KMT2E: variants seen among roughly 807,000 people sequenced by gnomAD.
KMT2E encodes lysine methyltransferase 2E (inactive).
Under a neutral mutation model 184.6 loss-of-function variants are expected in KMT2E, and 30 were observed. The observed-to-expected ratio is 0.16, with a 90% CI of 0.12 to 0.22. The LOEUF (loss-of-function observed/expected upper bound fraction) is 0.22. Among genes scored for constraint, KMT2E ranks in the 10% least tolerant of loss-of-function variants. The pLI is 1.00. For synonymous variants in KMT2E, 815 were observed against 776.5 expected, an observed-to-expected ratio of 1.05 and a Z score of -0.82; for missense variants, 2,023 against 2,237.4, an observed-to-expected ratio of 0.90 and a Z score of 1.93.
chr7:105,071,742 CCA>C (rs993996841), intron 6 of KMT2E, among the ~76,000 whole-genome samples: 3 of 148,474 alleles, frequency 2.0e-5, no homozygotes, highest in Non-Finnish European at 4.5e-5. Context: ...CAGGCGTGGG[CCA>C]CCACGCCCGG....
intron 3 of KMT2E, among the ~76,000 whole-genome samples, chr7:105,045,069 G>C (rs183610647): frequency 1.2e-4 from 19 of 152,112 alleles, no homozygotes; most frequent in African/African-American, 4.3e-4. Context: ...AATTGGGCAC[G>C]GTCTAAAATG....
chr7:105,078,578 G>A (rs1440824999), intron 11 of KMT2E, among the ~76,000 whole-genome samples: 5 of 146,294 alleles, frequency 3.4e-5, no homozygotes, highest in African/African-American at 5.0e-5. Context: ...CTGCAGCCTT[G>A]ATGTCCTGGG....
rs1300474647 is a variant in KMT2E at position 105,081,671 on chromosome 7, A to G, written c.1249-17A>G. The G allele has an allele frequency of 9.1e-6, 11 of 1,203,662 alleles. No homozygotes were observed. Among genetic ancestry groups the G allele is most frequent in the Non-Finnish European group, 1.3e-5 (11 of 824,536 alleles). The allele number at this position is 1,203,662 out of a possible 1,614,324, so 74.6% of individuals were successfully genotyped here. On this transcript the variant is annotated splice_polypyrimidine_tract_variant and intron_variant, in intron 12 of 26. Coordinates refer to ENST00000311117, the MANE Select transcript of KMT2E (RefSeq NM_182931.3). The stretch of plus-strand genomic sequence containing the variant: ...AGAAAGTAATTTATGGTAATGTACA[A>G]TTATTTTAACTTTTAGGTGAGGCAT...
At chr7:105,036,144 G>GT (rs142402378) in intron 1 of KMT2E, among the ~76,000 whole-genome samples, 2 of 147,896 alleles carry the variant, frequency 1.4e-5, no homozygotes, top group African/African-American at 5.0e-5. Context: ...ATCTGGCAGG[G>GT]TTTTTTGTTG....
At position 105,020,185 on chromosome 7, in the gene KMT2E, A is replaced by G. The variant is rs188922563; in HGVS notation, c.-189+5650A>G. ...GAATTTTAATATTGAGAAAGATGATATTGTGTAATCACACCTGTGTAATAG... is the reference window on the plus strand; with the variant it reads ...GAATTTTAATATTGAGAAAGATGATGTTGTGTAATCACACCTGTGTAATAG... On this transcript the variant is annotated intron_variant, in intron 1 of 26. Coordinates refer to ENST00000311117, the MANE Select transcript of KMT2E (RefSeq NM_182931.3). Among the ~76,000 whole-genome samples the G allele has an allele frequency of 4.6e-5, 7 of 152,178 alleles. 1 individual carries two copies. The East Asian group carries it at 1.2e-3, about 25-fold the overall frequency.
In KMT2E at chr7:105,074,649, A is replaced by T; in HGVS notation, c.563A>T (p.Asp188Val). The change falls in exon 8 of 27, where the codon GAT (aspartate) becomes GTT (valine). Residue 188 changes from aspartate to valine, a missense_variant. Transcript: ENST00000311117. ...RRKRENMSDG[D>V]TSATESGDEV... ...ATTTTTATTTTGTCTGAAGATGGTGATACCAGTGCAACTGAGAGTGGTGAT... is the reference window on the plus strand; with the variant it reads ...ATTTTTATTTTGTCTGAAGATGGTGTTACCAGTGCAACTGAGAGTGGTGAT... 6.6e-7 allele frequency: 1 copy of T among 1,516,982 alleles called. No individual in the cohort carries two copies. Among genetic ancestry groups the T allele is most frequent in the South Asian group, 1.3e-5 (1 of 75,692 alleles). 94.0% of individuals were successfully genotyped at this position (1,516,982 alleles called of 1,614,324 possible). A position where few individuals can be genotyped will look rare whatever the true frequency, so the allele number is the denominator to read the frequency against.
intron 2 of KMT2E, chr7:105,039,271 T>C (rs1386105784): frequency 6.6e-6 from 1 of 152,206 alleles, no homozygotes; most frequent in Non-Finnish European, 1.5e-5. Flanking sequence ...TCAAGTGTGG[T>C]GTGTACTGAG....
In KMT2E at chr7:105,101,603, A is replaced by C; in HGVS notation, c.1887+14A>C. ...GAAGTTATTCAGGTATTATTTATTC[A>C]GGTCGTTTTATTTTCTTAAACACTT... On this transcript the variant is annotated intron_variant, in intron 16 of 26. Coordinates refer to ENST00000311117, the MANE Select transcript of KMT2E (RefSeq NM_182931.3). The C allele has an allele frequency of 6.6e-7, 1 of 1,515,186 alleles. No homozygotes were observed. Among genetic ancestry groups the C allele is most frequent in the Non-Finnish European group, 8.8e-7 (1 of 1,138,454 alleles). 93.9% of individuals were successfully genotyped at this position (1,515,186 alleles called of 1,614,324 possible). A position where few individuals can be genotyped will look rare whatever the true frequency, so the allele number is the denominator to read the frequency against.
intron 6 of KMT2E, among the ~76,000 whole-genome samples, chr7:105,071,593 TATATATATATATATA>T (rs1342947493): frequency 3.4e-4 from 21 of 60,994 alleles, no homozygotes; most frequent in African/African-American, 7.6e-4. Flanking sequence ...TATATATATA[TATATATATATATATA>T]TTTTTTTTTT....
intron 17 of KMT2E, chr7:105,102,888 C>G (rs1477396736): frequency 6.6e-6 from 1 of 152,178 alleles, no homozygotes; most frequent in East Asian, 1.9e-4. Context: ...TAATTCAGTA[C>G]AGTTTGTAGG....
chr7:105,112,527 C>A lies in KMT2E; in HGVS notation c.4771C>A (p.Pro1591Thr). 1 of 1,614,100 alleles carries A rather than the reference C, an allele frequency of 6.2e-7. No homozygotes were observed. Among genetic ancestry groups the A allele is most frequent in the Non-Finnish European group, 8.5e-7 (1 of 1,180,028 alleles). ...TACATCAGGACCAAATCAAGCACTT[C>A]CTGGCACCACAAGCCAGCAAACAGT... ...VFTSGPNQAL[P>T]GTTSQQTVPG... The change falls in exon 27 of 27, where the codon CCT becomes ACT. Residue 1591 changes from proline (P) to threonine (T), a missense_variant. By Grantham distance (38) the Pro-to-Thr change is conservative (BLOSUM62 -1). This residue lies in a region of KMT2E where 1,108 missense variants were observed against 1,050.9 expected (regional missense o/e 1.05). Transcript: ENST00000311117.
chr7:105,026,403 C>CT (rs1234002104), intron 1 of KMT2E, among the ~76,000 whole-genome samples: 3 of 152,054 alleles, frequency 2.0e-5, no homozygotes, highest in African/African-American at 7.2e-5. Context: ...TTTTAGGGAC[C>CT]TTTTGAACTC....
intron 1 of KMT2E, among the ~76,000 whole-genome samples, chr7:105,021,058 A>G (rs1376930068): frequency 2.0e-5 from 3 of 152,196 alleles, no homozygotes; most frequent in African/African-American, 7.2e-5. Context: ...GTAACATTTA[A>G]AGAAAGACAG....
At chr7:105,090,870 C>CT (rs145816444) in intron 14 of KMT2E, among the ~76,000 whole-genome samples, 1,636 of 152,224 alleles carry the variant, frequency 0.011, 20 homozygotes, top group African/African-American at 0.031. Flanking sequence ...TTCCCTTAAA[C>CT]TTTCAACTGA....
intron 3 of KMT2E, among the ~76,000 whole-genome samples, chr7:105,047,332 T>C (rs1796148418): frequency 1.3e-5 from 2 of 152,238 alleles, no homozygotes; most frequent in African/African-American, 4.8e-5. Flanking sequence ...AAGTTTCTTA[T>C]CAATGTAGGG....
intron 23 of KMT2E, 149 bp downstream of exon 23, chr7:105,109,377 C>T: frequency 1.3e-6 from 1 of 750,114 alleles, no homozygotes; most frequent in Admixed American, 2.8e-5. Flanking sequence ...TTTAAGCCAG[C>T]TGTGTATGGC....
At chr7:105,015,022 C>T (rs1794653039) in intron 1 of KMT2E, among the ~76,000 whole-genome samples, 1 of 152,046 alleles carries the variant, frequency 6.6e-6, no homozygotes, top group Non-Finnish European at 1.5e-5. Flanking sequence ...CACATGAATA[C>T]GAAGGGGGTA....
chr7:105,076,039 T>G lies in KMT2E; in HGVS notation c.730-4T>G. The stretch of plus-strand genomic sequence containing the variant: ...AACTAACTAGAATTCCATGTTTATT[T>G]TAGGCATTTCGTGAAGGATCTAGGA... On this transcript the variant is annotated splice_polypyrimidine_tract_variant and splice_region_variant and intron_variant, in intron 8 of 26. Transcript: ENST00000311117. The G allele has an allele frequency of 1.9e-6, 3 of 1,591,464 alleles. No individual in the cohort carries two copies. Among genetic ancestry groups the G allele is most frequent in the Non-Finnish European group, 2.6e-6 (3 of 1,159,976 alleles).
At chr7:105,091,097 T>C (rs1219359946) in intron 14 of KMT2E, 119 bp from the exon 15 acceptor site, 5 of 506,954 alleles carry the variant, frequency 9.9e-6, no homozygotes, top group African/African-American at 7.8e-5. Flanking sequence ...CTTAAATAAT[T>C]TAAATAGGCT....
Sources: gnomAD v4.1 joint callset for allele counts (sites outside exome capture counted in the v4.1 genomes callset) on GRCh38, gnomAD v4.1.1 for gene constraint, gnomAD v4.1.1 regional missense constraint, MANE v1.5 for transcripts, NCBI Gene and HGNC (gene_info 2026-07-23, HGNC 2026-07-21) for gene names.